Variants in FAM184A observed in about 807,000 individuals in gnomAD.
FAM184A encodes family with sequence similarity 184 member A.
In FAM184A, 99 loss-of-function variants were observed where a neutral mutation model predicts 143.8. The observed-to-expected ratio is 0.69, with a 90% CI of 0.58 to 0.81. The LOEUF (loss-of-function observed/expected upper bound fraction) is 0.81, where lower values mean the gene tolerates loss of function less well. Among genes scored for constraint, FAM184A ranks in the 40% least tolerant of loss-of-function variants. FAM184A has a pLI of 0.00. For missense variants in FAM184A, 1,217 were observed against 1,310.5 expected, an observed-to-expected ratio of 0.93 and a Z score of 1.10; for synonymous variants, 427 against 446.4, an observed-to-expected ratio of 0.96 and a Z score of 0.55.
rs1043687408 is a variant in FAM184A at position 119,122,102 on chromosome 6, G to A, written c.-202+26976C>T. Among the ~76,000 whole-genome samples, 43 of 152,222 alleles carry A rather than the reference G, an allele frequency of 2.8e-4. 1 individual carries two copies. Among genetic ancestry groups the A allele is most frequent in the Non-Finnish European group, 4.4e-4 (30 of 68,014 alleles). ...TTTAGTGCAACTCTTTTCTATCAGAGTGAATTAATTAATCCATCTCTTTGG... is the reference window on the plus strand; with the variant it reads ...TTTAGTGCAACTCTTTTCTATCAGAATGAATTAATTAATCCATCTCTTTGG... On this transcript the variant is annotated intron_variant, in intron 1 of 16. Transcript: ENST00000352896.
At chr6:118,962,256 A>G (rs929745955) in intron 16 of FAM184A, 52 of 360,110 alleles carry the variant, frequency 1.4e-4, no homozygotes, top group Middle Eastern at 1.6e-3. Flanking sequence ...GCCAAGGGGT[A>G]AAGAATACCC....
chr6:119,018,825 T>A (rs946754570), intron 4 of FAM184A, among the ~76,000 whole-genome samples: 8 of 151,982 alleles, frequency 5.3e-5, no homozygotes, highest in Non-Finnish European at 1.0e-4. Flanking sequence ...CAGGACTCTG[T>A]AACAGATAAA....
chr6:119,081,967 C>T (rs116303531), upstream of FAM184A, among the ~76,000 whole-genome samples: 26 of 152,314 alleles, frequency 1.7e-4, no homozygotes, highest in African/African-American at 4.6e-4. Flanking sequence ...TCTTGACATC[C>T]GGCCACCTGT....
chr6:119,113,531 C>A (rs565516084), intron 1 of FAM184A, among the ~76,000 whole-genome samples: 1 of 152,052 alleles, frequency 6.6e-6, no homozygotes, highest in Non-Finnish European at 1.5e-5. Flanking sequence ...CTCAGTCCCC[C>A]CTTATCTGTG....
intron 1 of FAM184A, among the ~76,000 whole-genome samples, chr6:119,090,886 A>G (rs1387262025): frequency 2.0e-5 from 3 of 152,226 alleles, no homozygotes; most frequent in Admixed American, 6.5e-5. Flanking sequence ...TTTTTCATTC[A>G]GTGCTTTTGC....
intron 1 of FAM184A, among the ~76,000 whole-genome samples, chr6:119,087,958 T>C (rs370746432): frequency 8.5e-5 from 13 of 152,116 alleles, no homozygotes; most frequent in African/African-American, 3.1e-4. Flanking sequence ...CTTAAAGATA[T>C]TACATTAAGT....
chr6:119,081,465 G>A (rs779383052), upstream of FAM184A, among the ~76,000 whole-genome samples: 4 of 152,166 alleles, frequency 2.6e-5, no homozygotes, highest in Non-Finnish European at 5.9e-5. Flanking sequence ...GTTTATAGCC[G>A]AAGCCACAGT....
chr6:119,088,709 C>T (rs1788291603), intron 1 of FAM184A, among the ~76,000 whole-genome samples: 1 of 152,134 alleles, frequency 6.6e-6, no homozygotes, highest in Non-Finnish European at 1.5e-5. Context: ...TTGAATGGGA[C>T]TCAATCTAAG....
chr6:119,074,076 TGAGGTGG>T (rs1283577408), intron 1 of FAM184A, among the ~76,000 whole-genome samples: 1 of 152,168 alleles, frequency 6.6e-6, no homozygotes, highest in African/African-American at 2.4e-5. Context: ...CTAGAGCCAC[TGAGGTGG>T]GAGGTAGAAG....
At chr6:119,038,127 T>G (rs1786180427) in intron 1 of FAM184A, among the ~76,000 whole-genome samples, 1 of 152,138 alleles carries the variant, frequency 6.6e-6, no homozygotes, top group African/African-American at 2.4e-5. Flanking sequence ...TTTTCTAGTT[T>G]GCAAAGGGCA....
chr6:119,121,436 CTTTTAAAATTCTT>C (rs1032873925), intron 1 of FAM184A, among the ~76,000 whole-genome samples: 1 of 152,172 alleles, frequency 6.6e-6, no homozygotes, highest in Non-Finnish European at 1.5e-5. Flanking sequence ...CGTGCCTGGC[CTTTTAAAATTCTT>C]TTTTAAGGAA....
intron 1 of FAM184A, among the ~76,000 whole-genome samples, chr6:119,115,082 A>G (rs1789022489): frequency 6.6e-6 from 1 of 152,202 alleles, no homozygotes; most frequent in Admixed American, 6.5e-5. Context: ...TTTTTAGATA[A>G]ATATTCACTT....
At chr6:119,047,318 T>C (rs978540438) in intron 1 of FAM184A, among the ~76,000 whole-genome samples, 3 of 152,208 alleles carry the variant, frequency 2.0e-5, no homozygotes, top group African/African-American at 7.2e-5. Context: ...AAGGGCAGTT[T>C]GGAGGTTCCT....
At chr6:119,001,205 G>A (rs1784745903) in intron 9 of FAM184A, among the ~76,000 whole-genome samples, 1 of 150,080 alleles carries the variant, frequency 6.7e-6, no homozygotes, top group Non-Finnish European at 1.5e-5. Flanking sequence ...TTGTGCACTT[G>A]TTTTCTTAAT....
chr6:119,005,127 A>G (rs1051528696), intron 7 of FAM184A, among the ~76,000 whole-genome samples: 1 of 152,154 alleles, frequency 6.6e-6, no homozygotes, highest in Non-Finnish European at 1.5e-5. Flanking sequence ...GCTTCACACC[A>G]CAGAATGCTA....
chr6:119,011,067 G>A (rs1383395214), intron 6 of FAM184A: 2 of 359,318 alleles, frequency 5.6e-6, no homozygotes, highest in Non-Finnish European at 9.9e-6. Context: ...TTCCTATGTG[G>A]TGATATTCTG....
intron 1 of FAM184A, among the ~76,000 whole-genome samples, chr6:119,105,069 C>T (rs1359707870): frequency 1.3e-5 from 2 of 152,020 alleles, no homozygotes; most frequent in African/African-American, 4.8e-5. Context: ...GATACGATGA[C>T]TAAATGTAAT....
chr6:118,980,450 T>G (rs1275576670), intron 9 of FAM184A, 100 bp from the exon 10 acceptor site: 8 of 809,586 alleles, frequency 9.9e-6, no homozygotes, highest in Non-Finnish European at 1.4e-5. Context: ...TTAATGATAG[T>G]AAAATAACTG....
intron 1 of FAM184A, among the ~76,000 whole-genome samples, chr6:119,059,720 T>C (rs17080799): frequency 0.071 from 10,882 of 152,240 alleles, 433 homozygotes; most frequent in African/African-American, 0.1. Flanking sequence ...TAAGTAAACA[T>C]TCTGTCAGGT....
Sources: gnomAD v4.1 joint callset for allele counts (sites outside exome capture counted in the v4.1 genomes callset) on GRCh38, gnomAD v4.1.1 for gene constraint, MANE v1.5 for transcripts, NCBI Gene and HGNC (gene_info 2026-07-23, HGNC 2026-07-21) for gene names.